Variants in KCNB2 observed in about 807,000 individuals in gnomAD.
KCNB2 encodes potassium voltage-gated channel subfamily B member 2, also known as delayed rectifier potassium channel protein.
In KCNB2, 15 loss-of-function variants were observed where a neutral mutation model predicts 61.5. That is an observed-to-expected ratio of 0.24 (90% CI 0.16 to 0.38). KCNB2 has a LOEUF of 0.38. Among genes scored for constraint, KCNB2 ranks in the 10% least tolerant of loss-of-function variants. The pLI is 1.00. For synonymous variants in KCNB2, 457 were observed against 446.0 expected, an observed-to-expected ratio of 1.02 and a Z score of -0.31; for missense variants, 828 against 1,125.2, an observed-to-expected ratio of 0.74 and a Z score of 3.78.
At chr8:72,657,362 T>C (rs1413396407) in intron 2 of KCNB2, among the ~76,000 whole-genome samples, 1 of 152,196 alleles carries the variant, frequency 6.6e-6, no homozygotes, top group Non-Finnish European at 1.5e-5. Context: ...ATTTTTTTAA[T>C]CAAAATTTAT....
At chr8:72,862,129 C>CA (rs1419894175) in intron 2 of KCNB2, among the ~76,000 whole-genome samples, 1 of 152,064 alleles carries the variant, frequency 6.6e-6, no homozygotes, top group African/African-American at 2.4e-5. Context: ...AAGACTGTCT[C>CA]AAAAAATCAA....
intron 2 of KCNB2, among the ~76,000 whole-genome samples, chr8:72,707,661 C>T (rs1165293319): frequency 1.3e-5 from 2 of 152,144 alleles, no homozygotes; most frequent in African/African-American, 2.4e-5. Flanking sequence ...AACTCAAAAA[C>T]GAAAAGTGGC....
chr8:72,697,713 A>G (rs1434744621), intron 2 of KCNB2, among the ~76,000 whole-genome samples: 1 of 152,168 alleles, frequency 6.6e-6, no homozygotes, highest in African/African-American at 2.4e-5. Flanking sequence ...TCAATTTCAG[A>G]GAGTTAAAAT....
At chr8:72,889,535 A>C (rs1805861823) in intron 2 of KCNB2, among the ~76,000 whole-genome samples, 1 of 151,996 alleles carries the variant, frequency 6.6e-6, no homozygotes. Context: ...AAAAAATAAA[A>C]ATTTCACCAG....
At chr8:72,920,344 C>G (rs1456727015) in intron 2 of KCNB2, among the ~76,000 whole-genome samples, 1 of 150,924 alleles carries the variant, frequency 6.6e-6, no homozygotes. Flanking sequence ...CCTGGCCAGG[C>G]ACAGTGGCTC....
chr8:72,561,754 TATATATGG>T (rs1161567322), intron 1 of KCNB2, among the ~76,000 whole-genome samples: 868 of 25,662 alleles, frequency 0.034, 95 homozygotes, highest in African/African-American at 0.14. Flanking sequence ...TATGTATATA[TATATATGG>T]ATATATATAT....
chr8:72,804,157 TAGCACAAGTAC>T (rs1298147305), intron 2 of KCNB2, among the ~76,000 whole-genome samples: 2 of 152,104 alleles, frequency 1.3e-5, no homozygotes, highest in African/African-American at 2.4e-5. Flanking sequence ...CAGTTTCTGT[TAGCACAAGTAC>T]AGCCAATATA....
chr8:72,849,278 G>A (rs1282374747), intron 2 of KCNB2, among the ~76,000 whole-genome samples: 4 of 151,896 alleles, frequency 2.6e-5, no homozygotes, highest in South Asian at 2.1e-4. Context: ...GATAAAATAT[G>A]TGATGATCAG....
chr8:72,716,708 A>G lies in KCNB2; in HGVS notation c.579+148395A>G, dbSNP rs540661886. 5.4e-5 allele frequency among the ~76,000 whole-genome samples: 8 copies of G among 148,918 alleles called. No homozygotes were observed. In the East Asian group the frequency reaches 1.6e-3, roughly 29 times the overall value. ...ATGACAAACCCACAGCCAATATCAT[A>G]CTGAATGGACAAAAACTGGAAGCAT... On this transcript the variant is annotated intron_variant, in intron 2 of 2. Coordinates refer to ENST00000523207, the MANE Select transcript of KCNB2 (RefSeq NM_004770.3).
intron 2 of KCNB2, among the ~76,000 whole-genome samples, chr8:72,671,306 T>C (rs571424867): frequency 6.6e-6 from 1 of 152,330 alleles, no homozygotes; most frequent in Admixed American, 6.5e-5. Flanking sequence ...CTCTTCTTAT[T>C]AATAATATTG....
At chr8:72,760,747 G>A (rs1256134469) in intron 2 of KCNB2, among the ~76,000 whole-genome samples, 1 of 152,188 alleles carries the variant, frequency 6.6e-6, no homozygotes, top group Non-Finnish European at 1.5e-5. Context: ...TACTAAGATT[G>A]ACTTGGTGTT....
intron 2 of KCNB2, among the ~76,000 whole-genome samples, chr8:72,623,954 C>T (rs1179189932): frequency 2.6e-5 from 4 of 152,144 alleles, no homozygotes; most frequent in African/African-American, 4.8e-5. Context: ...TTCATGTCCC[C>T]CCAGATGCTT....
Position 72,568,240 on chromosome 8 carries a change from A to C in KCNB2, c.506A>C (p.Asn169Thr). 6.2e-7 allele frequency: 1 copy of C among 1,614,214 alleles called. No individual in the cohort carries two copies. The highest frequency in any genetic ancestry group is 8.5e-7 in the Non-Finnish European group (1 of 1,180,048). ...GAGCGAGAAGGAGAAGAGTTTGATA[A>C]TACCTGCTGCCCTGATAAAAGGAAG... The part of the protein sequence containing the change: ...MREREGEEFD[N>T]TCCPDKRKKL... The change falls in exon 2 of 3, where the codon AAT becomes ACT. Residue 169 changes from asparagine to threonine, a missense_variant. Asn to Thr is a moderately conservative substitution (Grantham distance 65). Transcript: ENST00000523207.
At chr8:72,553,280 T>A (rs898343533) in intron 1 of KCNB2, among the ~76,000 whole-genome samples, 13 of 152,182 alleles carry the variant, frequency 8.5e-5, no homozygotes, top group African/African-American at 2.4e-4. Flanking sequence ...TAGTTGCTTT[T>A]AATCCTTTGA....
At chr8:72,697,466 G>A (rs1318969303) in intron 2 of KCNB2, among the ~76,000 whole-genome samples, 3 of 152,000 alleles carry the variant, frequency 2.0e-5, no homozygotes, top group Admixed American at 2.0e-4. Flanking sequence ...CTAAAAATTG[G>A]ACTTATATTA....
intron 2 of KCNB2, among the ~76,000 whole-genome samples, chr8:72,742,534 C>T (rs1418963239): frequency 6.6e-6 from 1 of 152,198 alleles, no homozygotes; most frequent in Non-Finnish European, 1.5e-5. Flanking sequence ...GCAGAATACG[C>T]TGGCCTGCTG....
At chr8:72,901,404 A>G (rs138030654) in intron 2 of KCNB2, among the ~76,000 whole-genome samples, 176 of 152,334 alleles carry the variant, frequency 1.2e-3, no homozygotes, top group African/African-American at 3.6e-3. Flanking sequence ...AGAGCTACAC[A>G]TTATTCCTTT....
chr8:72,715,647 G>T (rs1404577221), intron 2 of KCNB2, among the ~76,000 whole-genome samples: 3 of 152,074 alleles, frequency 2.0e-5, no homozygotes, highest in Non-Finnish European at 4.4e-5. Flanking sequence ...GAATCTCTGG[G>T]ACACAATCAA....
intron 2 of KCNB2, among the ~76,000 whole-genome samples, chr8:72,844,140 C>CA (rs1223252786): frequency 5.9e-5 from 9 of 152,172 alleles, no homozygotes; most frequent in African/African-American, 2.2e-4. Context: ...CTGGTGGTGA[C>CA]AAAATCTCTC....
Sources: gnomAD v4.1 joint callset for allele counts (sites outside exome capture counted in the v4.1 genomes callset) on GRCh38, gnomAD v4.1.1 for gene constraint, MANE v1.5 for transcripts, NCBI Gene and HGNC (gene_info 2026-07-23, HGNC 2026-07-21) for gene names.